COP1: variants seen among roughly 807,000 people sequenced by gnomAD.
COP1 encodes the protein COP1 E3 ubiquitin ligase, also known as E3 ubiquitin-protein ligase COP1.
Under a neutral mutation model 101.3 loss-of-function variants are expected in COP1, and 24 were observed. The ratio of observed to expected loss-of-function variants is 0.24; its 90% confidence interval spans 0.17 to 0.33. The LOEUF is 0.33. Ranked by LOEUF, COP1 falls within the 10% of genes least tolerant of loss-of-function variation. COP1 has a pLI of 1.00. For synonymous variants in COP1, 347 were observed against 341.9 expected, an observed-to-expected ratio of 1.01 and a Z score of -0.17; for missense variants, 663 against 906.2, an observed-to-expected ratio of 0.73 and a Z score of 3.45.
rs1685988792 is a variant in COP1, at chr1:176,115,276, C to T, written c.1026+1348G>A. On this transcript the variant is annotated intron_variant, in intron 9 of 19. Coordinates refer to ENST00000367669, the MANE Select transcript of COP1 (RefSeq NM_022457.7). ...CCAGCCTGGCCAACATGGTGAAACC[C>T]CCATCTCTACTAAAAATACAAAAAT... Among the ~76,000 whole-genome samples, 3 of 151,778 alleles carry T rather than the reference C, an allele frequency of 2.0e-5. No individual in the cohort carries two copies. The South Asian group carries it at 6.2e-4, about 32-fold the overall frequency.
At position 176,116,654 on chromosome 1, in the gene COP1, G is replaced by T. The variant is rs1162820625; in HGVS notation, c.996C>A (p.Ser332Arg). The T allele has an allele frequency of 6.2e-7, 1 of 1,611,468 alleles. No individual in the cohort carries two copies. The highest frequency in any genetic ancestry group is 2.2e-5 in the East Asian group (1 of 44,754). The change falls in exon 9 of 20, where the codon AGC (serine) becomes AGA (arginine). Residue 332 changes from serine to arginine, a missense_variant. By Grantham distance (110) the Ser-to-Arg change is moderately radical. Transcript: ENST00000367669. ...AACTGCCACTGAAACCTGGAGGTTG[G>T]CTGTATTCTGTGGAATCAATAATAC... Reference protein sequence around the residue: ...HSSIIDSTEYSQPPGFSGSSQ... With the variant: ...HSSIIDSTEYRQPPGFSGSSQ...
chr1:176,026,764 T>C (rs1667739198), intron 15 of COP1, among the ~76,000 whole-genome samples: 1 of 152,092 alleles, frequency 6.6e-6, no homozygotes, highest in Admixed American at 6.6e-5. Flanking sequence ...TGCTAACTTG[T>C]ATTTTTTTTT....
At chr1:175,954,721 G>C (rs1398889226) in intron 18 of COP1, among the ~76,000 whole-genome samples, 2 of 151,862 alleles carry the variant, frequency 1.3e-5, no homozygotes, top group Non-Finnish European at 2.9e-5. Context: ...TGAAGACTAA[G>C]GAACATTTCC....
At chr1:176,002,764 C>T (rs1315859497) in intron 15 of COP1, among the ~76,000 whole-genome samples, 1 of 149,034 alleles carries the variant, frequency 6.7e-6, no homozygotes, top group Non-Finnish European at 1.5e-5. Context: ...CATTGTTGGA[C>T]ATTTGGGTTG....
chr1:176,200,713 C>T (rs1419542332), intron 1 of COP1, among the ~76,000 whole-genome samples: 1 of 151,500 alleles, frequency 6.6e-6, no homozygotes, highest in Non-Finnish European at 1.5e-5. Context: ...ACATGTTACT[C>T]TCAGTGAATA....
In COP1 at chr1:176,108,313, A is replaced by T. The variant is rs1032560861; in HGVS notation, c.1026+8311T>A. ...TATTATTTTTAAGAGCAGTAAAGTAATCCATCCTATAGTTGTAGCACTATT... is the reference window on the plus strand; with the variant it reads ...TATTATTTTTAAGAGCAGTAAAGTATTCCATCCTATAGTTGTAGCACTATT... On this transcript the variant is annotated intron_variant, in intron 9 of 19. Coordinates refer to ENST00000367669, the MANE Select transcript of COP1 (RefSeq NM_022457.7). Among the ~76,000 whole-genome samples the T allele has an allele frequency of 6.6e-5, 10 of 152,312 alleles. 1 individual carries two copies. In the Middle Eastern group the frequency reaches 0.01, roughly 155 times the overall value.
intron 1 of COP1, among the ~76,000 whole-genome samples, chr1:176,201,460 T>A (rs1700248981): frequency 6.6e-6 from 1 of 152,148 alleles, no homozygotes. Flanking sequence ...AAGGCTACAG[T>A]TACTTTAATC....
chr1:176,185,938 A>G (rs1374747318), intron 1 of COP1, among the ~76,000 whole-genome samples: 1 of 152,204 alleles, frequency 6.6e-6, no homozygotes, highest in East Asian at 1.9e-4. Context: ...GGGCATAAAC[A>G]CTATCCCTTA....
intron 10 of COP1, among the ~76,000 whole-genome samples, chr1:176,082,276 C>G (rs1003936325): frequency 2.0e-5 from 3 of 152,128 alleles, no homozygotes; most frequent in Non-Finnish European, 4.4e-5. Context: ...TTATTCTAAG[C>G]CCATACATAC....
At chr1:176,098,295 T>C (rs1682780635) in intron 9 of COP1, among the ~76,000 whole-genome samples, 1 of 152,208 alleles carries the variant, frequency 6.6e-6, no homozygotes, top group South Asian at 2.1e-4. Context: ...GTTACCATTA[T>C]AATATGTAAT....
At chr1:176,056,547 C>T (rs1167119414) in intron 11 of COP1, among the ~76,000 whole-genome samples, 1 of 152,102 alleles carries the variant, frequency 6.6e-6, no homozygotes. Context: ...AGAGATTGAT[C>T]TAATGCTTTC....
intron 5 of COP1, among the ~76,000 whole-genome samples, chr1:176,161,106 A>G (rs1414625645): frequency 6.6e-6 from 1 of 152,196 alleles, no homozygotes; most frequent in African/African-American, 2.4e-5. Context: ...TTGCTGGTGT[A>G]GCATTCAGTT....
intron 15 of COP1, among the ~76,000 whole-genome samples, chr1:176,024,875 A>C (rs1446362394): frequency 1.3e-5 from 2 of 152,036 alleles, no homozygotes; most frequent in Non-Finnish European, 2.9e-5. Flanking sequence ...ATTTAACAAA[A>C]GAAGTTCAAG....
intron 15 of COP1, among the ~76,000 whole-genome samples, chr1:175,995,807 C>G (rs1246031379): frequency 2.5e-3 from 386 of 152,280 alleles, no homozygotes; most frequent in African/African-American, 8.9e-3. Flanking sequence ...CAGCCGAATT[C>G]TACCAGAGGT....
chr1:175,991,976 A>C (rs150315826), intron 15 of COP1, among the ~76,000 whole-genome samples: 2 of 152,248 alleles, frequency 1.3e-5, no homozygotes, highest in African/African-American at 4.8e-5. Flanking sequence ...ACAGTCTATA[A>C]TAATGGTAAA....
At chr1:176,096,509 G>A (rs1479915193) in intron 9 of COP1, among the ~76,000 whole-genome samples, 1 of 152,196 alleles carries the variant, frequency 6.6e-6, no homozygotes, top group Non-Finnish European at 1.5e-5. Flanking sequence ...GGCCTCAGGG[G>A]CCTGGGCCCT....
At chr1:176,150,354 T>C (rs1692223747) in intron 5 of COP1, among the ~76,000 whole-genome samples, 1 of 152,266 alleles carries the variant, frequency 6.6e-6, no homozygotes, top group African/African-American at 2.4e-5. Context: ...TAATATGTTT[T>C]ACAACTGAAT....
chr1:176,093,283 A>T (rs1177681607), intron 9 of COP1, among the ~76,000 whole-genome samples: 3 of 152,232 alleles, frequency 2.0e-5, no homozygotes, highest in African/African-American at 7.2e-5. Flanking sequence ...TAACTAACAC[A>T]GAAGCCAGTT....
chr1:176,194,192 T>C (rs550080288), intron 1 of COP1, among the ~76,000 whole-genome samples: 1 of 151,506 alleles, frequency 6.6e-6, no homozygotes, highest in South Asian at 2.1e-4. Flanking sequence ...ATCTTAAAAA[T>C]ATCCAATTAA....
Sources: gnomAD v4.1 joint callset for allele counts (sites outside exome capture counted in the v4.1 genomes callset) on GRCh38, gnomAD v4.1.1 for gene constraint, MANE v1.5 for transcripts, NCBI Gene and HGNC (gene_info 2026-07-23, HGNC 2026-07-21) for gene names.